GABRA3: variants seen among roughly 807,000 people sequenced by gnomAD.
GABRA3 encodes the protein gamma-aminobutyric acid type A receptor subunit alpha3.
GABRA3 carries 10 observed loss-of-function variants against 30.1 expected under a neutral mutation model. The observed-to-expected ratio is 0.33, with a 90% CI of 0.20 to 0.56. GABRA3 has a LOEUF of 0.56. Among genes scored for constraint, GABRA3 ranks in the 20% least tolerant of loss-of-function variants. GABRA3 has a pLI of 0.89. For missense variants in GABRA3, 233 were observed against 392.0 expected (o/e 0.59, Z 3.42); for synonymous variants, 151 against 146.8 (o/e 1.03, Z -0.21).
At chrX:152,235,759 A>G (rs914189503) in intron 5 of GABRA3, among the ~76,000 whole-genome samples, 2 of 111,301 alleles carry the variant, frequency 1.8e-5, no homozygotes, top group Admixed American at 1.9e-4. Context: ...GAAAGAATTC[A>G]TATTATTAAA....
chrX:152,258,730 G>C (rs1938679058), intron 4 of GABRA3, among the ~76,000 whole-genome samples: 1 of 111,509 alleles, frequency 9.0e-6, no homozygotes, highest in Admixed American at 9.5e-5. Flanking sequence ...CACTTATGTT[G>C]ACTTCTTAAA....
intron 3 of GABRA3, among the ~76,000 whole-genome samples, chrX:152,300,469 G>T (rs1411879048): frequency 1.8e-5 from 2 of 111,500 alleles, no homozygotes; most frequent in Admixed American, 1.9e-4. Flanking sequence ...TATTCAAAAT[G>T]CCCTAGATAA....
intron 1 of GABRA3, among the ~76,000 whole-genome samples, chrX:152,394,823 T>A (rs1929612113): frequency 9.0e-6 from 1 of 111,359 alleles, no homozygotes; most frequent in Admixed American, 9.6e-5. Context: ...TAAAAACTGC[T>A]CAGGTGATAC....
Position 152,364,432 on chromosome X carries a change from C to T in GABRA3, c.139G>A (p.Gly47Arg), listed in dbSNP as rs767064532. Residue 47 changes from glycine to arginine, a missense_variant and splice_region_variant, in exon 2 of 10, where the codon GGG becomes AGG. Physicochemically the swap from Gly to Arg is moderately radical, Grantham distance 125 (BLOSUM62 -2). This residue lies in a region of GABRA3 where 69 missense variants were observed against 79.4 expected (regional missense o/e 0.87). Coordinates refer to ENST00000370314, the MANE Select transcript of GABRA3 (RefSeq NM_000808.4). ...ATCCTAAGAGTTAGGGGTTCTTACC[C>T]GCCAATGTCCTGCTTCACAAAGTCC... ...PGDFVKQDIG[G>R]LSPKHAPDIP... 5 of 1,206,715 alleles carry T rather than the reference C, an allele frequency of 4.1e-6. No homozygotes were observed. Among genetic ancestry groups the T allele is most frequent in the Middle Eastern group, 4.6e-4 (2 of 4,323 alleles).
At chrX:152,193,618 T>TAA (rs778748118) in intron 8 of GABRA3, among the ~76,000 whole-genome samples, 8 of 112,894 alleles carry the variant, frequency 7.1e-5, no homozygotes, top group Admixed American at 2.8e-4. Flanking sequence ...AACTGTTTTC[T>TAA]AAAGTAATTT....
At chrX:152,365,160 ATAGAGT>A (rs1209076580) in intron 1 of GABRA3, among the ~76,000 whole-genome samples, 1 of 111,536 alleles carries the variant, frequency 9.0e-6, no homozygotes, top group African/African-American at 3.3e-5. Flanking sequence ...TCTCAGCTTC[ATAGAGT>A]TAAACAATTT....
chrX:152,417,792 G>A (rs1410856506), intron 1 of GABRA3, among the ~76,000 whole-genome samples: 8 of 97,456 alleles, frequency 8.2e-5, no homozygotes, highest in South Asian at 5.4e-4. Context: ...ACCAAACACC[G>A]CATATTCTCA....
chrX:152,328,311 T>A (rs1453570975), intron 3 of GABRA3, among the ~76,000 whole-genome samples: 1 of 111,611 alleles, frequency 9.0e-6, no homozygotes, highest in Non-Finnish European at 1.9e-5. Flanking sequence ...ACTATTCCAA[T>A]CAATAGAAGA....
chrX:152,176,521 G>C (rs1569346305), intron 9 of GABRA3, among the ~76,000 whole-genome samples: 1 of 111,286 alleles, frequency 9.0e-6, no homozygotes, highest in East Asian at 2.8e-4. Context: ...TCTGAGAGCA[G>C]AGTTGGGGGC....
intron 4 of GABRA3, among the ~76,000 whole-genome samples, chrX:152,271,864 G>GGT (rs1198877025): frequency 8.9e-6 from 1 of 111,833 alleles, no homozygotes; most frequent in African/African-American, 3.3e-5. Flanking sequence ...TGCTTTGGAG[G>GGT]GTGCAGCCCC....
chrX:152,335,815 G>A (rs1054591874), intron 3 of GABRA3, among the ~76,000 whole-genome samples: 2 of 110,594 alleles, frequency 1.8e-5, no homozygotes, highest in Non-Finnish European at 1.9e-5. Context: ...TAATTCTTGA[G>A]CTCAAGCGAT....
intron 5 of GABRA3, among the ~76,000 whole-genome samples, chrX:152,238,040 G>A (rs1938265059): frequency 9.3e-6 from 1 of 108,073 alleles, no homozygotes; most frequent in Non-Finnish European, 1.9e-5. Flanking sequence ...TTGAATAGGA[G>A]TGGTGAGAGA....
At chrX:152,249,358 A>T (rs1295035524) in intron 5 of GABRA3, among the ~76,000 whole-genome samples, 1 of 111,711 alleles carries the variant, frequency 9.0e-6, no homozygotes, top group Admixed American at 9.5e-5. Context: ...GAGCAGTAAC[A>T]TGAAGCTAGA....
rs1454510814 is a variant in GABRA3, at chrX:152,275,253, TA to T, written c.330+9414del. On this transcript the variant is annotated intron_variant, in intron 4 of 9. Coordinates refer to ENST00000370314, the MANE Select transcript of GABRA3 (RefSeq NM_000808.4). ...TTTATATATATTTTATTATATATAA[TA>T]AAATATATATAAATTATATATATAA... Among the ~76,000 whole-genome samples, 263 of 49,116 alleles carry T rather than the reference TA, an allele frequency of 5.4e-3. 2 individuals carry two copies. Among genetic ancestry groups the T allele is most frequent in the Non-Finnish European group, 7.2e-3 (227 of 31,699 alleles). The allele number at this position is 49,116 out of a possible 115,157, so 42.7% of individuals were successfully genotyped here. A position where few individuals can be genotyped will look rare whatever the true frequency, so the allele number is the denominator to read the frequency against.
At chrX:152,188,554 T>C (rs141420689) in intron 9 of GABRA3, among the ~76,000 whole-genome samples, 1,310 of 110,609 alleles carry the variant, frequency 0.012, 28 homozygotes, top group African/African-American at 0.041. Flanking sequence ...GAGGAATAAA[T>C]ATATTTTAAG....
At chrX:152,189,264 G>A (rs760907309) in intron 9 of GABRA3, among the ~76,000 whole-genome samples, 1 of 112,482 alleles carries the variant, frequency 8.9e-6, no homozygotes, top group East Asian at 2.8e-4. Flanking sequence ...TGAAGAATGA[G>A]TAGGTCTTTA....
At chrX:152,274,089 C>A (rs1296770106) in intron 4 of GABRA3, among the ~76,000 whole-genome samples, 1 of 111,018 alleles carries the variant, frequency 9.0e-6, no homozygotes, top group African/African-American at 3.3e-5. Flanking sequence ...TATTAAAAAT[C>A]CTCTTTGAGA....
chrX:152,406,588 A>ATATG (rs1929943053), intron 1 of GABRA3, among the ~76,000 whole-genome samples: 1 of 104,096 alleles, frequency 9.6e-6, no homozygotes, highest in Admixed American at 1.0e-4. Flanking sequence ...ATATATATAT[A>ATATG]TATATATTTT....
At chrX:152,450,204 C>T (rs1931186862) in intron 1 of GABRA3, among the ~76,000 whole-genome samples, 1 of 110,052 alleles carries the variant, frequency 9.1e-6, no homozygotes, top group African/African-American at 3.3e-5. Flanking sequence ...ACCTCATCAC[C>T]CTGCTTTCCA....
Sources: allele counts gnomAD v4.1 joint callset (sites outside exome capture counted in the v4.1 genomes callset), GRCh38; gene constraint gnomAD v4.1.1; regional missense constraint gnomAD v4.1.1; transcripts MANE v1.5; gene names NCBI Gene and HGNC (gene_info 2026-07-23, HGNC 2026-07-21).